Variants in RBFOX3 observed in about 807,000 individuals in gnomAD.
RBFOX3 encodes the protein RNA binding fox-1 homolog 3, also known as RNA binding protein fox-1 homolog 3.
A neutral mutation model predicts 48.7 loss-of-function variants in RBFOX3; 17 were observed. That is an observed-to-expected ratio of 0.35 (90% confidence interval 0.24 to 0.52). RBFOX3 has a LOEUF of 0.52. Among genes scored for constraint, RBFOX3 ranks in the 20% least tolerant of loss-of-function variants. RBFOX3 has a pLI of 0.94. For synonymous variants in RBFOX3, 212 were observed against 209.5 expected (o/e 1.01, Z -0.10); for missense variants, 382 against 497.5 (o/e 0.77, Z 2.21).
At chr17:79,304,840 G>C (rs1004149867) in intron 3 of RBFOX3, among the ~76,000 whole-genome samples, 19 of 152,174 alleles carry the variant, frequency 1.2e-4, no homozygotes, top group Admixed American at 6.5e-5. Flanking sequence ...GTTATATGAG[G>C]GAGAGCTGGC....
intron 1 of RBFOX3, among the ~76,000 whole-genome samples, chr17:79,557,330 G>A (rs2091852661): frequency 6.6e-6 from 1 of 151,872 alleles, no homozygotes; most frequent in Admixed American, 6.6e-5. Flanking sequence ...CCCAGGCCCT[G>A]GACTGTTAGT....
At position 79,421,847 on chromosome 17, in the gene RBFOX3, G is replaced by A. The variant is rs1230958633; in HGVS notation, c.-175+60607C>T. ...AAGTGATCAGGTGCCGGAAGGCCCC[G>A]TGAGGGTGGCCCACGAGGCTCATGG... On this transcript the variant is annotated intron_variant, in intron 2 of 14. Transcript: ENST00000693108. This position sits in a 1 kb window ranked among gnomAD's most constrained non-coding sequence, Gnocchi z 4.5. Among the ~76,000 whole-genome samples, 4 of 152,148 alleles carry A rather than the reference G, an allele frequency of 2.6e-5. No individual in the cohort carries two copies. The highest frequency in any genetic ancestry group is 4.1e-4 in the South Asian group (2 of 4,828).
At chr17:79,521,399 GAC>G (rs1338221363) in intron 1 of RBFOX3, among the ~76,000 whole-genome samples, 2 of 151,140 alleles carry the variant, frequency 1.3e-5, no homozygotes, top group East Asian at 1.9e-4. Flanking sequence ...CACATACACA[GAC>G]ACACACATAC....
chr17:79,176,098 C>T (rs577561190), intron 4 of RBFOX3, among the ~76,000 whole-genome samples: 5 of 152,302 alleles, frequency 3.3e-5, no homozygotes, highest in South Asian at 4.2e-4. Flanking sequence ...TTGGCCCAAA[C>T]GGCAGCTCCA....
intron 1 of RBFOX3, among the ~76,000 whole-genome samples, chr17:79,549,758 G>A (rs1304714288): frequency 6.6e-6 from 1 of 152,176 alleles, no homozygotes; most frequent in African/African-American, 2.4e-5. Flanking sequence ...GTCACCATGG[G>A]GCCAAATATC....
chr17:79,354,362 C>G (rs950214143), intron 2 of RBFOX3, among the ~76,000 whole-genome samples: 10 of 152,362 alleles, frequency 6.6e-5, no homozygotes, highest in African/African-American at 2.2e-4. Flanking sequence ...CTCCAGCTAG[C>G]ACTGCCGGAG....
chr17:79,395,975 C>A (rs1273146746), intron 2 of RBFOX3, among the ~76,000 whole-genome samples: 1 of 152,210 alleles, frequency 6.6e-6, no homozygotes, highest in Non-Finnish European at 1.5e-5. Flanking sequence ...ACAAGGAGCC[C>A]CGCCTGCCAC....
intron 2 of RBFOX3, among the ~76,000 whole-genome samples, chr17:79,429,567 G>T (rs1555727363): frequency 6.6e-6 from 1 of 152,248 alleles, no homozygotes; most frequent in East Asian, 1.9e-4. Context: ...GGTGCCAGCT[G>T]CCTGCAGCTG....
intron 1 of RBFOX3, among the ~76,000 whole-genome samples, chr17:79,583,330 T>C (rs1353044900): frequency 6.6e-5 from 10 of 152,230 alleles, no homozygotes; most frequent in African/African-American, 2.4e-4. Context: ...GTTTAGTCTT[T>C]AGAGAGTGAG....
At position 79,305,220 on chromosome 17, in the gene RBFOX3, T is replaced by TG. The variant is rs1040697941; in HGVS notation, c.-74+2503dup. Among the ~76,000 whole-genome samples, 250 of 150,666 alleles carry TG rather than the reference T, an allele frequency of 1.7e-3. 1 individual carries two copies. Among genetic ancestry groups the TG allele is most frequent in the African/African-American group, 5.4e-3 (220 of 40,990 alleles). On this transcript the variant is annotated intron_variant, in intron 3 of 14. Coordinates refer to ENST00000693108, the MANE Select transcript of RBFOX3 (RefSeq NM_001350451.2). ...AGCCACTAAAGGGTTCTTGCCTGTG[T>TG]GGGGGGGAAAGGGAGAGGTGGGGGC...
chr17:79,250,919 C>T (rs536534324), intron 3 of RBFOX3, among the ~76,000 whole-genome samples: 3 of 151,938 alleles, frequency 2.0e-5, no homozygotes, highest in Non-Finnish European at 4.4e-5. Context: ...AGCAATTCTC[C>T]TACCTCAGCC....
At chr17:79,346,983 T>C (rs1035860717) in intron 2 of RBFOX3, among the ~76,000 whole-genome samples, 12 of 151,246 alleles carry the variant, frequency 7.9e-5, no homozygotes, top group Non-Finnish European at 1.8e-4. Flanking sequence ...ATGTAAATGA[T>C]CATATCATCT....
intron 1 of RBFOX3, chr17:79,598,662 C>T (rs1422945318): frequency 6.6e-6 from 1 of 152,028 alleles, no homozygotes; most frequent in Non-Finnish European, 1.5e-5. Context: ...CCAAGCAGCT[C>T]CACGTAGAGC....
At chr17:79,651,667 C>T in the RBFOX3 span, among the ~76,000 whole-genome samples, 7 of 113,636 alleles carry the variant, frequency 6.2e-5, no homozygotes, top group Admixed American at 1.8e-4. Context: ...TCTCCTCCCC[C>T]GCCTCTCTCC....
chr17:79,493,258 C>A (rs1313437458), intron 1 of RBFOX3, among the ~76,000 whole-genome samples: 1 of 152,274 alleles, frequency 6.6e-6, no homozygotes, highest in East Asian at 1.9e-4. Flanking sequence ...ACTAAGCCAT[C>A]CATGAGGGAT....
chr17:79,656,804 AAGAAAAGAAAGAG>A, the RBFOX3 span, among the ~76,000 whole-genome samples: 14 of 1,406 alleles, frequency 1.0e-2, no homozygotes, highest in South Asian at 0.025. Flanking sequence ...GAAAGAAAGA[AAGAAAAGAAAGAG>A]AAAGAAAGAA....
At chr17:79,356,669 A>G (rs560533932) in intron 2 of RBFOX3, among the ~76,000 whole-genome samples, 1 of 147,822 alleles carries the variant, frequency 6.8e-6, no homozygotes, top group East Asian at 2.0e-4. Context: ...GTGCCCAGCC[A>G]GTTTTGATTT....
At chr17:79,330,651 C>T (rs938039238) in intron 2 of RBFOX3, among the ~76,000 whole-genome samples, 6 of 152,166 alleles carry the variant, frequency 3.9e-5, no homozygotes, top group African/African-American at 1.4e-4. Context: ...CAGTTTCTGG[C>T]TCTGGGACGG....
chr17:79,113,373 G>A (rs967856446), intron 5 of RBFOX3, among the ~76,000 whole-genome samples: 1 of 152,148 alleles, frequency 6.6e-6, no homozygotes, highest in Admixed American at 6.5e-5. Context: ...GCACCACGCC[G>A]ATGCCGTAAC....
Sources: gnomAD v4.1 joint callset for allele counts (sites outside exome capture counted in the v4.1 genomes callset) on GRCh38, gnomAD v4.1.1 for gene constraint, Gnocchi (gnomAD v3.1) non-coding constraint, MANE v1.5 for transcripts, NCBI Gene and HGNC (gene_info 2026-07-23, HGNC 2026-07-21) for gene names.